VIT: variants seen among roughly 807,000 people sequenced by gnomAD.
The protein encoded by VIT is vitrin.
A neutral mutation model predicts 78.0 loss-of-function variants in VIT; 99 were observed. The ratio of observed to expected loss-of-function variants is 1.27; its 90% CI spans 1.08 to 1.50. The LOEUF (loss-of-function observed/expected upper bound fraction) is 1.50, where lower values mean the gene tolerates loss of function less well. VIT is among the 40% of genes most tolerant of loss of function. VIT has a pLI of 0.00. For missense variants in VIT, 1,126 were observed against 875.3 expected, an observed-to-expected ratio of 1.29 and a Z score of -3.61; for synonymous variants, 374 against 334.3, an observed-to-expected ratio of 1.12 and a Z score of -1.29.
chr2:36,709,478 C>T (rs781726217), intron 1 of VIT, among the ~76,000 whole-genome samples: 25 of 152,276 alleles, frequency 1.6e-4, no homozygotes, highest in Admixed American at 3.3e-4. Context: ...GCCAGTCTCC[C>T]GCAGGAAGAC....
chr2:36,769,550 T>G (rs1572507641), intron 7 of VIT, among the ~76,000 whole-genome samples: 1 of 152,244 alleles, frequency 6.6e-6, no homozygotes. Context: ...ATGGCTAGGA[T>G]AGGAACCAAA....
At chr2:36,709,145 G>A (rs113946879) in intron 1 of VIT, among the ~76,000 whole-genome samples, 7,893 of 152,116 alleles carry the variant, frequency 0.052, 294 homozygotes, top group African/African-American at 0.098. Context: ...GCGAAACTCC[G>A]TCTCAAAAAT....
intron 9 of VIT, among the ~76,000 whole-genome samples, chr2:36,781,434 G>C (rs761455071): frequency 6.6e-6 from 1 of 152,174 alleles, no homozygotes; most frequent in Non-Finnish European, 1.5e-5. Context: ...AGGTGGTTTG[G>C]AGTGGATGAA....
intron 9 of VIT, among the ~76,000 whole-genome samples, chr2:36,776,347 G>A (rs1670043616): frequency 6.6e-6 from 1 of 152,172 alleles, no homozygotes; most frequent in Non-Finnish European, 1.5e-5. Flanking sequence ...ACAACTGACT[G>A]CAGGAGCTGA....
chr2:36,708,094 C>A (rs1665550386), intron 1 of VIT, among the ~76,000 whole-genome samples: 1 of 151,120 alleles, frequency 6.6e-6, no homozygotes, highest in African/African-American at 2.4e-5. Flanking sequence ...AGGCCACCAC[C>A]ACATTGTAAA....
chr2:36,751,586 G>A (rs934973597), intron 4 of VIT, among the ~76,000 whole-genome samples: 6 of 152,142 alleles, frequency 3.9e-5, no homozygotes, highest in African/African-American at 1.2e-4. Context: ...ATGCTTTATG[G>A]TAGAAGGAGG....
At chr2:36,756,499 C>A (rs752252414) in intron 5 of VIT, among the ~76,000 whole-genome samples, 2 of 152,276 alleles carry the variant, frequency 1.3e-5, no homozygotes, top group South Asian at 4.1e-4. Flanking sequence ...TCTAGCACTG[C>A]TAGGCACCCC....
intron 10 of VIT, among the ~76,000 whole-genome samples, chr2:36,782,659 A>G (rs572087074): frequency 8.6e-4 from 131 of 152,148 alleles, no homozygotes; most frequent in Non-Finnish European, 1.4e-3. Flanking sequence ...TTTAAATGGT[A>G]TATTTATGAA....
At position 36,787,125 on chromosome 2, in the gene VIT, G is replaced by T. The variant is rs370639190; in HGVS notation, c.911-4G>T. 1 of 1,613,956 alleles carries T rather than the reference G, an allele frequency of 6.2e-7. No homozygotes were observed. The highest frequency in any genetic ancestry group is 1.1e-5 in the South Asian group (1 of 91,064). Reference sequence around the variant, plus strand: ...GAATAATAGAGTCTTTTTCCGTTCCGCAGACTGCAAAATTGACTTGTCGTT... The same window carrying T: ...GAATAATAGAGTCTTTTTCCGTTCCTCAGACTGCAAAATTGACTTGTCGTT... On this transcript the variant is annotated splice_region_variant and splice_polypyrimidine_tract_variant and intron_variant, in intron 11 of 15. Transcript: ENST00000379242.
intron 3 of VIT, among the ~76,000 whole-genome samples, chr2:36,739,731 C>T (rs1431608309): frequency 6.6e-6 from 1 of 152,082 alleles, no homozygotes; most frequent in Non-Finnish European, 1.5e-5. Flanking sequence ...CTTAAGGAAT[C>T]ATATGAGACG....
intron 9 of VIT, among the ~76,000 whole-genome samples, chr2:36,778,330 G>A (rs1670194937): frequency 6.6e-6 from 1 of 152,240 alleles, no homozygotes; most frequent in African/African-American, 2.4e-5. Context: ...CTCCTACCAC[G>A]GTTCTGGGAG....
In VIT at chr2:36,699,622, A is replaced by ATAGGTAGG. The variant is rs60920135; in HGVS notation, c.-19+2656_-19+2657insGTAGGTAG. Reference sequence around the variant, plus strand: ...TATAGATATAGATATAGATAGATATATAGGTAGATAGATAGATAGATAGAT... The same window carrying ATAGGTAGG: ...TATAGATATAGATATAGATAGATATATAGGTAGGTAGGTAGATAGATAGATAGATAGAT... On this transcript the variant is annotated intron_variant, in intron 1 of 15. Transcript: ENST00000379242. Among the ~76,000 whole-genome samples, 544 of 137,292 alleles carry ATAGGTAGG rather than the reference A, an allele frequency of 4.0e-3. 4 individuals are homozygous for ATAGGTAGG. The highest frequency in any genetic ancestry group is 0.014 in the African/African-American group (514 of 36,622). 90.1% of individuals were successfully genotyped at this position (137,292 alleles called of 152,430 possible). A position where few individuals can be genotyped will look rare whatever the true frequency, so the allele number is the denominator to read the frequency against.
intron 2 of VIT, among the ~76,000 whole-genome samples, chr2:36,718,708 C>A (rs1666313004): frequency 6.6e-6 from 1 of 152,188 alleles, no homozygotes; most frequent in Non-Finnish European, 1.5e-5. Flanking sequence ...CTTCTAGGTA[C>A]CTGGACCAGG....
chr2:36,725,543 C>T (rs1290815328), intron 2 of VIT, among the ~76,000 whole-genome samples: 2 of 124,212 alleles, frequency 1.6e-5, no homozygotes, highest in Non-Finnish European at 3.1e-5. Flanking sequence ...AAAGGCTCCA[C>T]TTTCTAATAT....
chr2:36,775,132 T>C, intron 9 of VIT, 65 bp downstream of exon 9: 2 of 1,581,864 alleles, frequency 1.3e-6, no homozygotes, highest in Admixed American at 3.4e-5. Context: ...TTTGCAAACA[T>C]GAGGACCTCC....
In VIT at chr2:36,783,423, A is replaced by G. The variant is rs1664893885; in HGVS notation, c.910+21A>G. The G allele has an allele frequency of 2.5e-6, 4 of 1,613,466 alleles. No individual in the cohort carries two copies. In the South Asian group the frequency reaches 3.3e-5, roughly 13 times the overall value. On this transcript the variant is annotated intron_variant, in intron 11 of 15. Coordinates refer to ENST00000379242, the MANE Select transcript of VIT (RefSeq NM_053276.4). ...TCCAAGTAAGTTAATTGACAACTAGAAACCCACGGTGTCTTTGACATCTGA... is the reference window on the plus strand; with the variant it reads ...TCCAAGTAAGTTAATTGACAACTAGGAACCCACGGTGTCTTTGACATCTGA...
Position 36,790,197 on chromosome 2 carries a change from C to T in VIT, c.1058+2921C>T, listed in dbSNP as rs567075267. Among the ~76,000 whole-genome samples the T allele has an allele frequency of 2.2e-4, 34 of 152,254 alleles. 1 individual carries two copies. Among genetic ancestry groups the T allele is most frequent in the African/African-American group, 7.2e-4 (30 of 41,552 alleles). On this transcript the variant is annotated intron_variant, in intron 12 of 15. Coordinates refer to ENST00000379242, the MANE Select transcript of VIT (RefSeq NM_053276.4). ...CCTACTCAAAGACGTTTTGGGTACACGGAACAGAAAACCACTCCAGGTAGC... is the reference window on the plus strand; with the variant it reads ...CCTACTCAAAGACGTTTTGGGTACATGGAACAGAAAACCACTCCAGGTAGC...
chr2:36,788,125 G>A (rs533385968), intron 12 of VIT: 55 of 251,930 alleles, frequency 2.2e-4, no homozygotes, highest in African/African-American at 9.3e-4. Flanking sequence ...ATTGAGGGCA[G>A]GATGGGTATC....
intron 3 of VIT, among the ~76,000 whole-genome samples, chr2:36,732,503 G>C (rs1667270162): frequency 6.6e-6 from 1 of 152,168 alleles, no homozygotes; most frequent in African/African-American, 2.4e-5. Context: ...CCAAATCATA[G>C]TCTATAGCTT....
Sources: allele counts gnomAD v4.1 joint callset (sites outside exome capture counted in the v4.1 genomes callset), GRCh38; gene constraint gnomAD v4.1.1; transcripts MANE v1.5; gene names NCBI Gene and HGNC (gene_info 2026-07-23, HGNC 2026-07-21).